SLC38A1: variants seen among roughly 807,000 people sequenced by gnomAD.
SLC38A1 encodes the protein solute carrier family 38 member 1, also known as sodium-coupled neutral amino acid symporter 1.
A neutral mutation model predicts 60.3 loss-of-function variants in SLC38A1; 18 were observed. The ratio of observed to expected loss-of-function variants is 0.30; its 90% CI spans 0.21 to 0.44. The LOEUF (loss-of-function observed/expected upper bound fraction) is 0.44. Ranked by LOEUF, SLC38A1 falls within the 20% of genes least tolerant of loss-of-function variation. SLC38A1 has a pLI of 1.00. For synonymous variants in SLC38A1, 196 were observed against 212.1 expected (o/e 0.92, Z 0.66); for missense variants, 448 against 587.2 (o/e 0.76, Z 2.45).
In SLC38A1 at chr12:46,183,881, AT is replaced by A. The variant is rs1200358847; in HGVS notation, c.*5088del. 5 of 152,416 alleles carry A rather than the reference AT, an allele frequency of 3.3e-5. No homozygotes were observed. Among genetic ancestry groups the A allele is most frequent in the Non-Finnish European group, 5.9e-5 (4 of 68,014 alleles). The allele number at this position is 152,416 out of a possible 1,614,324, so 9.4% of individuals were successfully genotyped here. ...CTGGGAGAGAATGTAAATTTTTCTA[AT>A]TCCCAAACAAAACCACTAATTTCTA... On this transcript the variant is annotated 3_prime_UTR_variant, in exon 17 of 17. Transcript: ENST00000398637.
chr12:46,232,304 G>A (rs1188206137), intron 3 of SLC38A1, among the ~76,000 whole-genome samples: 2 of 152,204 alleles, frequency 1.3e-5, no homozygotes, highest in Admixed American at 6.5e-5. Flanking sequence ...AGATTAAGAT[G>A]AGGTAAGGAG....
chr12:46,260,704 C>T (rs1267495421), intron 1 of SLC38A1, among the ~76,000 whole-genome samples: 1 of 152,204 alleles, frequency 6.6e-6, no homozygotes, highest in African/African-American at 2.4e-5. Flanking sequence ...CCTTGTCACT[C>T]AGACTTGAAA....
At chr12:46,199,133 G>A (rs1391756559) in intron 13 of SLC38A1, among the ~76,000 whole-genome samples, 1 of 152,084 alleles carries the variant, frequency 6.6e-6, no homozygotes, top group East Asian at 1.9e-4. Context: ...GAGGGGGTGG[G>A]GTGGGGAGAG....
chr12:46,218,713 TTTA>T (rs1448530873), intron 5 of SLC38A1, among the ~76,000 whole-genome samples: 1 of 152,116 alleles, frequency 6.6e-6, no homozygotes, highest in African/African-American at 2.4e-5. Flanking sequence ...AGACCGGAGT[TTTA>T]TTATTACTCA....
At chr12:46,236,393 G>A (rs1390397927) in intron 3 of SLC38A1, among the ~76,000 whole-genome samples, 2 of 152,086 alleles carry the variant, frequency 1.3e-5, no homozygotes, top group Admixed American at 6.5e-5. Flanking sequence ...TAAGTGCAGA[G>A]CCTATGTTCT....
At position 46,198,062 on chromosome 12, in the gene SLC38A1, T is replaced by C; in HGVS notation, c.1123-2A>G. On this transcript the variant is annotated splice_acceptor_variant, in intron 14 of 16. Coordinates refer to ENST00000398637, the MANE Select transcript of SLC38A1 (RefSeq NM_030674.4). LOFTEE classifies it high-confidence loss of function. Reference sequence around the variant, plus strand: ...CAGTTCAAATAAAGATGAACGAACCTGCAAGAAAAGAAAACAAAGATTCTG... The same window carrying C: ...CAGTTCAAATAAAGATGAACGAACCCGCAAGAAAAGAAAACAAAGATTCTG... 1 of 1,612,888 alleles carries C rather than the reference T, an allele frequency of 6.2e-7. No individual in the cohort carries two copies. The highest frequency in any genetic ancestry group is 8.5e-7 in the Non-Finnish European group (1 of 1,179,666).
chr12:46,202,259 A>G (rs1469068839), intron 12 of SLC38A1, among the ~76,000 whole-genome samples: 1 of 152,090 alleles, frequency 6.6e-6, no homozygotes, highest in African/African-American at 2.4e-5. Flanking sequence ...ACTAAAACTA[A>G]AAGCTGAACT....
intron 5 of SLC38A1, among the ~76,000 whole-genome samples, chr12:46,222,895 G>A (rs1205060770): frequency 6.6e-6 from 1 of 152,140 alleles, no homozygotes; most frequent in Non-Finnish European, 1.5e-5. Flanking sequence ...CTACAGTTTG[G>A]TACACTTGAT....
At chr12:46,235,248 C>T (rs1941219357) in intron 3 of SLC38A1, among the ~76,000 whole-genome samples, 1 of 152,132 alleles carries the variant, frequency 6.6e-6, no homozygotes, top group African/African-American at 2.4e-5. Flanking sequence ...ATGAGTTGTA[C>T]AACAGAAAGA....
chr12:46,209,771 T>G (rs900002128), intron 5 of SLC38A1, among the ~76,000 whole-genome samples: 3 of 152,192 alleles, frequency 2.0e-5, no homozygotes, highest in Non-Finnish European at 4.4e-5. Flanking sequence ...AAAAGACTTT[T>G]TTGAATGATG....
At position 46,239,688 on chromosome 12, in the gene SLC38A1, T is replaced by C; in HGVS notation, c.113A>G (p.Gln38Arg). Residue 38 changes from glutamine (Q) to arginine (R), a missense_variant, in exon 3 of 17, where the codon CAG becomes CGG. By Grantham distance (43) the Gln-to-Arg change is conservative (BLOSUM62 1). This residue lies in a region of SLC38A1 where 102 missense variants were observed against 89.7 expected (regional missense o/e 1.14). Coordinates refer to ENST00000398637, the MANE Select transcript of SLC38A1 (RefSeq NM_030674.4). ...GTGGAAAAATACTCACCTATTTATC[T>C]GACCATTTTCTACTTCGGTGAAATC... ...SNDFTEVENG[Q>R]INSKFISDRE... 1 of 1,613,768 alleles carries C rather than the reference T, an allele frequency of 6.2e-7. No individual in the cohort carries two copies. Among genetic ancestry groups the C allele is most frequent in the Non-Finnish European group, 8.5e-7 (1 of 1,179,960 alleles).
intron 1 of SLC38A1, among the ~76,000 whole-genome samples, chr12:46,266,865 G>A (rs1422208990): frequency 1.3e-5 from 2 of 152,124 alleles, no homozygotes; most frequent in African/African-American, 2.4e-5. Flanking sequence ...GAGAAATCGA[G>A]TGACTCTCAA....
At position 46,187,603 on chromosome 12, in the gene SLC38A1, A is replaced by G. The variant is rs1592285381; in HGVS notation, c.*1367T>C. On this transcript the variant is annotated 3_prime_UTR_variant, in exon 17 of 17. Transcript: ENST00000398637. ...TTAGGAGAGGGACAAGGGTAAGAGT[A>G]CCAGGCAACTCTGTCCTCCTGCATG... 6.6e-6 allele frequency: 1 copy of G among 152,272 alleles called. No individual in the cohort carries two copies. Among genetic ancestry groups the G allele is most frequent in the Admixed American group, 6.5e-5 (1 of 15,290 alleles). The allele number at this position is 152,272 out of a possible 1,614,324, so 9.4% of individuals were successfully genotyped here. A position where few individuals can be genotyped will look rare whatever the true frequency, so the allele number is the denominator to read the frequency against.
At chr12:46,199,797 C>T (rs1043785666) in intron 13 of SLC38A1, among the ~76,000 whole-genome samples, 1 of 152,118 alleles carries the variant, frequency 6.6e-6, no homozygotes, top group Non-Finnish European at 1.5e-5. Context: ...CCTCCTGTCT[C>T]CTGCAAGGGC....
chr12:46,267,459 A>C (rs1942390130), intron 1 of SLC38A1: 1 of 152,436 alleles, frequency 6.6e-6, no homozygotes, highest in African/African-American at 2.4e-5. Context: ...GGTACCGCGA[A>C]ATTCCTTTTG....
At chr12:46,245,009 C>T (rs1941567734) in intron 1 of SLC38A1, among the ~76,000 whole-genome samples, 1 of 152,098 alleles carries the variant, frequency 6.6e-6, no homozygotes, top group Non-Finnish European at 1.5e-5. Flanking sequence ...TTTATGCCCA[C>T]CATCACCTGG....
At chr12:46,213,585 C>T (rs1940274650) in intron 5 of SLC38A1, among the ~76,000 whole-genome samples, 1 of 152,218 alleles carries the variant, frequency 6.6e-6, no homozygotes, top group Non-Finnish European at 1.5e-5. Flanking sequence ...CACCCATTCC[C>T]TCATCCTTTA....
Position 46,233,246 on chromosome 12 carries a change from C to T in SLC38A1, c.123-3607G>A, listed in dbSNP as rs922030253. Among the ~76,000 whole-genome samples, 164 of 152,204 alleles carry T rather than the reference C, an allele frequency of 1.1e-3. 1 individual carries two copies. The highest frequency in any genetic ancestry group is 3.8e-3 in the African/African-American group (156 of 41,502). ...CTATGTTGCCCACGCTGGTCTCGAA[C>T]TCCTTGGCTCAAGTGATTCTTCCAA... is the stretch of plus-strand genomic sequence containing the variant. On this transcript the variant is annotated intron_variant, in intron 3 of 16. Transcript: ENST00000398637.
intron 5 of SLC38A1, 98 bp from the exon 6 acceptor site, chr12:46,209,225 C>G (rs1940041212): frequency 8.7e-6 from 7 of 807,408 alleles, no homozygotes; most frequent in Middle Eastern, 3.6e-4. Flanking sequence ...ATGGTTAACA[C>G]TATTTGTTAA....
Sources: allele counts gnomAD v4.1 joint callset (sites outside exome capture counted in the v4.1 genomes callset), GRCh38; gene constraint gnomAD v4.1.1; regional missense constraint gnomAD v4.1.1; transcripts MANE v1.5; gene names NCBI Gene and HGNC (gene_info 2026-07-23, HGNC 2026-07-21).